DAAM1: variants seen among roughly 807,000 people sequenced by gnomAD.
The protein encoded by DAAM1 is dishevelled associated activator of morphogenesis 1, also known as disheveled-associated activator of morphogenesis 1.
In DAAM1, 52 loss-of-function variants were observed where a neutral mutation model predicts 130.0. The ratio of observed to expected loss-of-function variants is 0.40; its 90% CI spans 0.32 to 0.50. The LOEUF is 0.50. DAAM1 is among the 20% of genes least tolerant of loss of function. DAAM1 has a pLI of 0.61. For missense variants in DAAM1, 1,134 were observed against 1,303.8 expected, an observed-to-expected ratio of 0.87 and a Z score of 2.01; for synonymous variants, 452 against 444.5, an observed-to-expected ratio of 1.02 and a Z score of -0.21.
intron 1 of DAAM1, among the ~76,000 whole-genome samples, chr14:59,202,796 T>C (rs910618734): frequency 6.6e-6 from 1 of 152,188 alleles, no homozygotes. Context: ...ACAACATGAG[T>C]TATGGAAGTT....
chr14:59,231,273 C>T (rs1182743101), intron 1 of DAAM1, among the ~76,000 whole-genome samples: 1 of 152,046 alleles, frequency 6.6e-6, no homozygotes, highest in Non-Finnish European at 1.5e-5. Context: ...TTAAATCAAA[C>T]TAACATCTTA....
intron 1 of DAAM1, among the ~76,000 whole-genome samples, chr14:59,207,394 A>G (rs944418581): frequency 6.6e-6 from 1 of 152,230 alleles, no homozygotes; most frequent in Admixed American, 6.5e-5. Context: ...ACAGGTTCTC[A>G]AACTTTTCGA....
chr14:59,260,817 G>T (rs930342750), intron 1 of DAAM1, among the ~76,000 whole-genome samples: 5 of 152,180 alleles, frequency 3.3e-5, no homozygotes, highest in Non-Finnish European at 7.3e-5. Flanking sequence ...GTACTCTCAG[G>T]ATTGGTACTT....
Position 59,331,474 on chromosome 14 carries a change from C to A in DAAM1, c.1826C>A (p.Ala609Asp). 6.2e-7 allele frequency: 1 copy of A among 1,610,374 alleles called. No homozygotes were observed. The highest frequency in any genetic ancestry group is 8.5e-7 in the Non-Finnish European group (1 of 1,178,092). ...AAAAGCATTCCTCAGCCCACAAATG[C>A]CCTGAAATCCTTCAACTGGTCTAAA... ...KKKSIPQPTNALKSFNWSKLP... is the reference protein window; with the variant it reads ...KKKSIPQPTNDLKSFNWSKLP... The change falls in exon 14 of 25, where the codon GCC becomes GAC. Residue 609 changes from alanine to aspartate, a missense_variant. By Grantham distance (126) the Ala-to-Asp change is moderately radical. Transcript: ENST00000360909.
Position 59,353,931 on chromosome 14 carries a change from G to A in DAAM1, c.2323G>A (p.Glu775Lys). 1 of 1,614,074 alleles carries A rather than the reference G, an allele frequency of 6.2e-7. No homozygotes were observed. The highest frequency in any genetic ancestry group is 8.5e-7 in the Non-Finnish European group (1 of 1,179,954). Reference sequence around the variant, plus strand: ...GCTGTACTTCAAAAAGAAGTTTGCAGAGCGTGTGGCAGAAGTGAAACCTAA... The same window carrying A: ...GCTGTACTTCAAAAAGAAGTTTGCAAAGCGTGTGGCAGAAGTGAAACCTAA... ...QSLYFKKKFA[E>K]RVAEVKPKVE... The change falls in exon 19 of 25, where the codon GAG (glutamate) becomes AAG (lysine). Residue 775 changes from glutamate to lysine, a missense_variant. This residue lies in a region of DAAM1 where 644 missense variants were observed against 695.9 expected (regional missense o/e 0.93). Coordinates refer to ENST00000360909, the MANE Select transcript of DAAM1 (RefSeq NM_001270520.2).
At chr14:59,236,791 G>C (rs1055373614) in intron 1 of DAAM1, among the ~76,000 whole-genome samples, 1 of 152,156 alleles carries the variant, frequency 6.6e-6, no homozygotes, top group Non-Finnish European at 1.5e-5. Flanking sequence ...GGTGTTCAGT[G>C]TATGTTTGTA....
At chr14:59,332,044 C>G (rs1808675265) in intron 15 of DAAM1, 124 bp downstream of exon 15, 1 of 776,466 alleles carries the variant, frequency 1.3e-6, no homozygotes, top group Non-Finnish European at 2.1e-6. Flanking sequence ...TGGATCTACC[C>G]TGTGCATGTC....
intron 17 of DAAM1, among the ~76,000 whole-genome samples, chr14:59,347,951 A>G (rs1276824519): frequency 1.3e-5 from 2 of 152,230 alleles, no homozygotes; most frequent in Non-Finnish European, 2.9e-5. Context: ...AATATCGAGA[A>G]TCTCACTAGC....
intron 2 of DAAM1, among the ~76,000 whole-genome samples, chr14:59,268,337 T>C (rs4898982): frequency 0.33 from 50,350 of 152,186 alleles, 9,586 homozygotes; most frequent in East Asian, 0.56. Context: ...ATATATGTTT[T>C]AATTCTTGCA....
intron 1 of DAAM1, among the ~76,000 whole-genome samples, chr14:59,237,347 A>G (rs1452794723): frequency 6.6e-6 from 1 of 152,228 alleles, no homozygotes; most frequent in African/African-American, 2.4e-5. Flanking sequence ...GAAAAATTAA[A>G]TACTGATCAA....
At chr14:59,196,573 C>T (rs1202987053) in intron 1 of DAAM1, among the ~76,000 whole-genome samples, 1 of 152,126 alleles carries the variant, frequency 6.6e-6, no homozygotes, top group African/African-American at 2.4e-5. Flanking sequence ...GAAACCCCAT[C>T]TCTACTAAAA....
rs367739902 is a variant in DAAM1, at chr14:59,206,201, T to C, written c.-38+17433T>C. Among the ~76,000 whole-genome samples the C allele has an allele frequency of 5.9e-5, 9 of 152,300 alleles. No homozygotes were observed. The East Asian group carries it at 1.5e-3, about 26-fold the overall frequency. On this transcript the variant is annotated intron_variant, in intron 1 of 24. Coordinates refer to ENST00000360909, the MANE Select transcript of DAAM1 (RefSeq NM_001270520.2). ...TGCAAATGGAGAACCTGAAGAGATT[T>C]TTCCTTAACCTCTCTTGATACATGT... is the stretch of plus-strand genomic sequence containing the variant.
At chr14:59,257,823 C>A (rs1881977591) in intron 1 of DAAM1, among the ~76,000 whole-genome samples, 1 of 152,128 alleles carries the variant, frequency 6.6e-6, no homozygotes, top group Non-Finnish European at 1.5e-5. Flanking sequence ...CATGCCGGCT[C>A]CCCACCTGCC....
intron 1 of DAAM1, among the ~76,000 whole-genome samples, chr14:59,243,920 A>G (rs976685363): frequency 1.3e-5 from 2 of 152,194 alleles, no homozygotes; most frequent in African/African-American, 4.8e-5. Flanking sequence ...AAGAGCACAG[A>G]TATCACCCTC....
chr14:59,306,749 A>G (rs1414603839), intron 3 of DAAM1, among the ~76,000 whole-genome samples: 1 of 151,984 alleles, frequency 6.6e-6, no homozygotes, highest in African/African-American at 2.4e-5. Context: ...TTAACCAACA[A>G]ATTCCTGAGG....
At chr14:59,322,533 G>T (rs1885052188) in intron 5 of DAAM1, among the ~76,000 whole-genome samples, 1 of 151,866 alleles carries the variant, frequency 6.6e-6, no homozygotes, top group Non-Finnish European at 1.5e-5. Context: ...GTGGGGGCAT[G>T]GGAACTGTAT....
At chr14:59,280,146 T>C (rs145545317) in intron 2 of DAAM1, among the ~76,000 whole-genome samples, 183 of 152,054 alleles carry the variant, frequency 1.2e-3, no homozygotes, top group Non-Finnish European at 2.3e-3. Context: ...GAGTATAAGA[T>C]GGTACCACTA....
At chr14:59,314,206 T>C (rs1403834289) in intron 3 of DAAM1, among the ~76,000 whole-genome samples, 1 of 152,216 alleles carries the variant, frequency 6.6e-6, no homozygotes, top group East Asian at 1.9e-4. Flanking sequence ...CTAAAAGAGA[T>C]GTTAAAACCT....
Position 59,327,076 on chromosome 14 carries a change from T to A in DAAM1, c.1372+85T>A, listed in dbSNP as rs546587318. 81 of 1,470,410 alleles carry A rather than the reference T, an allele frequency of 5.5e-5. 1 individual carries two copies. Among genetic ancestry groups the A allele is most frequent in the Admixed American group, 5.3e-4 (30 of 56,622 alleles). The allele number at this position is 1,470,410 out of a possible 1,614,324, so 91.1% of individuals were successfully genotyped here. A position where few individuals can be genotyped will look rare whatever the true frequency, so the allele number is the denominator to read the frequency against. On this transcript the variant is annotated intron_variant, in intron 12 of 24. Coordinates refer to ENST00000360909, the MANE Select transcript of DAAM1 (RefSeq NM_001270520.2). Reference sequence around the variant, plus strand: ...CATATATTTTGGAAATTTACATTGATGTTTCTTGTTAGCTTGGTGCAGGCA... The same window carrying A: ...CATATATTTTGGAAATTTACATTGAAGTTTCTTGTTAGCTTGGTGCAGGCA...
Sources: allele counts gnomAD v4.1 joint callset (sites outside exome capture counted in the v4.1 genomes callset), GRCh38; gene constraint gnomAD v4.1.1; regional missense constraint gnomAD v4.1.1; transcripts MANE v1.5; gene names NCBI Gene and HGNC (gene_info 2026-07-23, HGNC 2026-07-21).